CHCHD3: variants seen among roughly 807,000 people sequenced by gnomAD.
CHCHD3 encodes the protein coiled-coil-helix-coiled-coil-helix domain containing 3, also known as MICOS complex subunit MIC19.
CHCHD3 carries 20 observed loss-of-function variants against 38.2 expected under a neutral mutation model. The observed-to-expected ratio is 0.52, with a 90% CI of 0.37 to 0.76. CHCHD3 has a LOEUF of 0.76. Among genes scored for constraint, CHCHD3 ranks in the 30% least tolerant of loss-of-function variants. The pLI, the probability that CHCHD3 is intolerant of heterozygous loss-of-function variation, is 0.00. For synonymous variants in CHCHD3, 82 were observed against 100.0 expected (o/e 0.82, Z 1.07); for missense variants, 245 against 279.2 (o/e 0.88, Z 0.87).
intron 6 of CHCHD3, among the ~76,000 whole-genome samples, chr7:132,806,171 A>G (rs983749277): frequency 6.6e-6 from 1 of 152,234 alleles, no homozygotes; most frequent in Non-Finnish European, 1.5e-5. Context: ...TGGGGAGACC[A>G]GAGTTTCACG....
At chr7:132,876,313 T>C (rs13241055) in intron 5 of CHCHD3, among the ~76,000 whole-genome samples, 523 of 152,250 alleles carry the variant, frequency 3.4e-3, no homozygotes, top group Non-Finnish European at 6.2e-3. Context: ...TTCTTATCAA[T>C]AGCAAGAAAG....
At chr7:132,972,004 A>T (rs1811625256) in intron 4 of CHCHD3, among the ~76,000 whole-genome samples, 1 of 151,996 alleles carries the variant, frequency 6.6e-6, no homozygotes, top group South Asian at 2.1e-4. Context: ...CACTGTCCAC[A>T]CCGCACAGTA....
In CHCHD3 at chr7:133,024,632, A is replaced by C; in HGVS notation, c.170-5T>G. ...TTTTCAATTCTTCATCAGAAACTAG[A>C]ATCGATAAAGAGCAGAAGGAGATAA... On this transcript the variant is annotated splice_polypyrimidine_tract_variant and splice_region_variant and intron_variant, in intron 2 of 7. Transcript: ENST00000262570. 1 of 1,604,086 alleles carries C rather than the reference A, an allele frequency of 6.2e-7. No individual in the cohort carries two copies. The highest frequency in any genetic ancestry group is 8.5e-7 in the Non-Finnish European group (1 of 1,170,942).
intron 1 of CHCHD3, among the ~76,000 whole-genome samples, chr7:133,079,395 T>C (rs760897940): frequency 6.6e-5 from 10 of 152,322 alleles, no homozygotes; most frequent in Admixed American, 3.9e-4. Context: ...GAGGCAGAGA[T>C]AGAATCCAAC....
intron 3 of CHCHD3, among the ~76,000 whole-genome samples, chr7:133,018,947 G>A (rs562073096): frequency 1.2e-4 from 17 of 142,530 alleles, no homozygotes; most frequent in East Asian, 4.3e-4. Flanking sequence ...GCAGTGGCGC[G>A]ATCTTGGCTC....
At chr7:132,923,844 T>C (rs893533868) in intron 4 of CHCHD3, among the ~76,000 whole-genome samples, 2 of 152,152 alleles carry the variant, frequency 1.3e-5, no homozygotes, top group African/African-American at 2.4e-5. Flanking sequence ...AACAGATACA[T>C]GGAAGTTCAA....
chr7:132,940,049 C>T (rs1047871358), intron 4 of CHCHD3, among the ~76,000 whole-genome samples: 3 of 152,140 alleles, frequency 2.0e-5, no homozygotes, highest in Non-Finnish European at 4.4e-5. Context: ...ATACATTTGT[C>T]ACTCCCATTA....
intron 3 of CHCHD3, among the ~76,000 whole-genome samples, chr7:133,019,631 A>G (rs1813126721): frequency 6.6e-6 from 1 of 152,242 alleles, no homozygotes; most frequent in Non-Finnish European, 1.5e-5. Context: ...ACTAATGTCC[A>G]TTGAAAAATA....
At position 132,890,866 on chromosome 7, in the gene CHCHD3, G is replaced by T. The variant is rs934457057; in HGVS notation, c.370-5121C>A. ...AAAGACTAATCTTTCACTATAATAT[G>T]GATAATCTATGGTAGGCAAAATCTG... On this transcript the variant is annotated intron_variant, in intron 4 of 7. Transcript: ENST00000262570. 3.9e-5 allele frequency among the ~76,000 whole-genome samples: 6 copies of T among 152,236 alleles called. No homozygotes were observed. In the East Asian group the frequency reaches 1.2e-3, roughly 29 times the overall value.
chr7:133,049,960 C>T (rs1203529656), intron 2 of CHCHD3, among the ~76,000 whole-genome samples: 1 of 152,152 alleles, frequency 6.6e-6, no homozygotes, highest in South Asian at 2.1e-4. Context: ...CTGATACCGA[C>T]GGTATCTTCC....
chr7:132,943,820 T>C (rs1239344960), intron 4 of CHCHD3, among the ~76,000 whole-genome samples: 1 of 152,156 alleles, frequency 6.6e-6, no homozygotes, highest in Non-Finnish European at 1.5e-5. Context: ...TGTCTGGCGA[T>C]GTCTCTCTAT....
intron 4 of CHCHD3, among the ~76,000 whole-genome samples, chr7:132,922,982 C>A (rs1810297307): frequency 6.6e-6 from 1 of 152,178 alleles, no homozygotes; most frequent in Admixed American, 6.5e-5. Context: ...AAAACCTACT[C>A]ATTCCCCAAC....
intron 4 of CHCHD3, among the ~76,000 whole-genome samples, chr7:132,918,513 T>G (rs1562907842): frequency 6.6e-6 from 1 of 152,240 alleles, no homozygotes; most frequent in Non-Finnish European, 1.5e-5. Context: ...ATAACATATC[T>G]AAGTAACAAA....
chr7:133,064,208 C>T (rs1336649714), intron 2 of CHCHD3, among the ~76,000 whole-genome samples: 1 of 152,230 alleles, frequency 6.6e-6, no homozygotes, highest in Non-Finnish European at 1.5e-5. Flanking sequence ...CACTTGTTGA[C>T]TGATGGAACC....
intron 4 of CHCHD3, among the ~76,000 whole-genome samples, chr7:132,886,387 TA>T (rs1809210363): frequency 6.6e-6 from 1 of 151,906 alleles, no homozygotes; most frequent in Non-Finnish European, 1.5e-5. Flanking sequence ...AAAACAAGTA[TA>T]ATATTTTTGG....
intron 4 of CHCHD3, among the ~76,000 whole-genome samples, chr7:132,920,738 C>A (rs1810239562): frequency 6.6e-6 from 1 of 152,014 alleles, no homozygotes; most frequent in African/African-American, 2.4e-5. Context: ...GCTTGCTATG[C>A]CTCAAAATAA....
chr7:132,912,044 A>G lies in CHCHD3; in HGVS notation c.370-26299T>C, dbSNP rs542399155. Among the ~76,000 whole-genome samples the G allele has an allele frequency of 2.6e-5, 4 of 152,324 alleles. No homozygotes were observed. The South Asian group carries it at 8.3e-4, about 32-fold the overall frequency. On this transcript the variant is annotated intron_variant, in intron 4 of 7. Transcript: ENST00000262570. ...ATCGGCCAAACCAGAAAGCTGCCCT[A>G]TTCATAATTCTTCACCCTCTGTAAG...
chr7:132,894,604 G>A (rs906675995), intron 4 of CHCHD3, among the ~76,000 whole-genome samples: 3 of 152,166 alleles, frequency 2.0e-5, no homozygotes, highest in Admixed American at 2.0e-4. Flanking sequence ...TCTGAGACAA[G>A]AGAAGGGCTT....
At chr7:132,803,192 TTC>T (rs1270140083) in intron 6 of CHCHD3, among the ~76,000 whole-genome samples, 2 of 152,174 alleles carry the variant, frequency 1.3e-5, no homozygotes, top group East Asian at 1.9e-4. Flanking sequence ...TTGAAGATTA[TTC>T]TCTTTGTCCT....
Sources: gnomAD v4.1 joint callset for allele counts (sites outside exome capture counted in the v4.1 genomes callset) on GRCh38, gnomAD v4.1.1 for gene constraint, MANE v1.5 for transcripts, NCBI Gene and HGNC (gene_info 2026-07-23, HGNC 2026-07-21) for gene names.